Variants in KALRN observed in about 807,000 individuals in gnomAD.
KALRN encodes the protein kalirin RhoGEF kinase.
KALRN carries 70 observed loss-of-function variants against 353.7 expected under a neutral mutation model. That is an observed-to-expected ratio of 0.20 (90% CI 0.16 to 0.24). The LOEUF (loss-of-function observed/expected upper bound fraction) is 0.24. Ranked by LOEUF, KALRN falls within the 10% of genes least tolerant of loss-of-function variation. The pLI is 1.00. For synonymous variants in KALRN, 1,391 were observed against 1,434.8 expected (o/e 0.97, Z 0.69); for missense variants, 2,791 against 3,756.7 (o/e 0.74, Z 6.72).
At chr3:124,555,556 G>C (rs2071136751) in intron 33 of KALRN, among the ~76,000 whole-genome samples, 1 of 151,896 alleles carries the variant, frequency 6.6e-6, no homozygotes, top group African/African-American at 2.4e-5. Flanking sequence ...TCAGGTTTAG[G>C]AATTCATGGA....
At chr3:124,263,386 TC>T (rs1455647658) in intron 3 of KALRN, among the ~76,000 whole-genome samples, 3 of 152,222 alleles carry the variant, frequency 2.0e-5, no homozygotes, top group Non-Finnish European at 4.4e-5. Flanking sequence ...TCAGCATGAC[TC>T]AGCGATCTGA....
chr3:124,552,173 G>A (rs1252025459), intron 33 of KALRN, among the ~76,000 whole-genome samples: 1 of 152,216 alleles, frequency 6.6e-6, no homozygotes, highest in African/African-American at 2.4e-5. Context: ...TGGCCTGAGA[G>A]ACAGTGACCA....
chr3:124,102,091 T>G (rs570546247), intron 1 of KALRN, among the ~76,000 whole-genome samples: 1 of 152,312 alleles, frequency 6.6e-6, no homozygotes, highest in Non-Finnish European at 1.5e-5. Flanking sequence ...TTTAATCACC[T>G]TCTCATTTGA....
chr3:124,076,977 C>T (rs902430870), intron 1 of KALRN, among the ~76,000 whole-genome samples: 2 of 152,200 alleles, frequency 1.3e-5, no homozygotes, highest in Non-Finnish European at 2.9e-5. Context: ...GTCCTGTGTG[C>T]CCCTAGTTTG....
At chr3:124,172,853 G>A (rs1420978929) in intron 1 of KALRN, among the ~76,000 whole-genome samples, 3 of 152,062 alleles carry the variant, frequency 2.0e-5, no homozygotes, top group Admixed American at 6.6e-5. Flanking sequence ...TTTAAAAGTT[G>A]TGCTTTATGT....
intron 1 of KALRN, among the ~76,000 whole-genome samples, chr3:124,056,431 T>C (rs1477315943): frequency 6.6e-6 from 1 of 152,232 alleles, no homozygotes; most frequent in Non-Finnish European, 1.5e-5. Flanking sequence ...TCAGCTATTA[T>C]GCACTGGTTT....
chr3:124,569,489 G>T (rs2073275704), intron 34 of KALRN, among the ~76,000 whole-genome samples: 1 of 152,158 alleles, frequency 6.6e-6, no homozygotes, highest in Admixed American at 6.5e-5. Context: ...CAGGTTCTGG[G>T]TTGCTTTATG....
chr3:124,317,218 G>A (rs546333442), intron 6 of KALRN, among the ~76,000 whole-genome samples: 19 of 152,256 alleles, frequency 1.2e-4, no homozygotes, highest in African/African-American at 4.1e-4. Flanking sequence ...ATTTCTCATC[G>A]TCTTCCCTCA....
intron 32 of KALRN, among the ~76,000 whole-genome samples, chr3:124,495,967 A>G (rs11720072): frequency 0.14 from 1,800 of 13,182 alleles, 132 homozygotes; most frequent in South Asian, 0.19. Context: ...GTATGTATGT[A>G]TATATATATA....
At chr3:124,673,397 A>G (rs2150391674) in intron 48 of KALRN, among the ~76,000 whole-genome samples, 1 of 151,416 alleles carries the variant, frequency 6.6e-6, no homozygotes, top group East Asian at 1.9e-4. Context: ...AAAACAAACA[A>G]AAAGTATATA....
At chr3:124,048,639 G>A (rs1386166480) in intron 1 of KALRN, among the ~76,000 whole-genome samples, 1 of 151,680 alleles carries the variant, frequency 6.6e-6, no homozygotes, top group Admixed American at 6.6e-5. Context: ...CCGCCACCTC[G>A]CCCAGCTAAT....
chr3:124,353,232 T>C (rs2083026096), intron 10 of KALRN, among the ~76,000 whole-genome samples: 1 of 152,132 alleles, frequency 6.6e-6, no homozygotes, highest in South Asian at 2.1e-4. Flanking sequence ...AGTGGATTTA[T>C]CAGTGACCTT....
chr3:124,440,814 GA>G (rs570915721), intron 18 of KALRN, among the ~76,000 whole-genome samples: 1 of 151,618 alleles, frequency 6.6e-6, no homozygotes, highest in South Asian at 2.1e-4. Context: ...TTTACAACCA[GA>G]AAAAAAACCT....
At chr3:124,459,044 T>A (rs966316745) in intron 23 of KALRN, among the ~76,000 whole-genome samples, 1 of 152,226 alleles carries the variant, frequency 6.6e-6, no homozygotes, top group African/African-American at 2.4e-5. Context: ...AAATAAGGAC[T>A]GTAACATCAA....
At chr3:124,237,322 G>A (rs1384040958) in intron 3 of KALRN, among the ~76,000 whole-genome samples, 1 of 151,770 alleles carries the variant, frequency 6.6e-6, no homozygotes, top group Admixed American at 6.6e-5. Context: ...GATTGTTACA[G>A]GCTGGTGTGA....
intron 10 of KALRN, among the ~76,000 whole-genome samples, chr3:124,356,947 A>C (rs1479186224): frequency 6.6e-6 from 1 of 152,154 alleles, no homozygotes; most frequent in Non-Finnish European, 1.5e-5. Flanking sequence ...TTATAAACCC[A>C]TTGGCTCTGT....
intron 51 of KALRN, among the ~76,000 whole-genome samples, chr3:124,682,582 CTTTACTT>C (rs561784824): frequency 1.8e-3 from 274 of 152,310 alleles, no homozygotes; most frequent in African/African-American, 6.2e-3. Flanking sequence ...CCAAAACATT[CTTTACTT>C]TTTCTCAATA....
chr3:124,190,184 G>A (rs1283627207), intron 1 of KALRN, among the ~76,000 whole-genome samples: 1 of 152,124 alleles, frequency 6.6e-6, no homozygotes, highest in Admixed American at 6.5e-5. Context: ...GGGAAGGAAA[G>A]AACAGAGGAC....
chr3:124,192,886 T>A (rs1489340501), intron 1 of KALRN, among the ~76,000 whole-genome samples: 2 of 152,218 alleles, frequency 1.3e-5, no homozygotes, highest in East Asian at 3.8e-4. Context: ...GTCTGTGGGG[T>A]GTTTTGTTAT....
Sources: allele counts gnomAD v4.1 joint callset (sites outside exome capture counted in the v4.1 genomes callset), GRCh38; gene constraint gnomAD v4.1.1; transcripts MANE v1.5; gene names NCBI Gene and HGNC (gene_info 2026-07-23, HGNC 2026-07-21).